Variants in DSCAM observed in about 807,000 individuals in gnomAD.
DSCAM encodes cell adhesion molecule DSCAM.
A neutral mutation model predicts 217.7 loss-of-function variants in DSCAM; 47 were observed. The ratio of observed to expected loss-of-function variants is 0.22; its 90% CI spans 0.17 to 0.28. The LOEUF is 0.28. Among genes scored for constraint, DSCAM ranks in the 10% least tolerant of loss-of-function variants. The pLI is 1.00. For synonymous variants in DSCAM, 1,056 were observed against 1,015.3 expected, an observed-to-expected ratio of 1.04 and a Z score of -0.76; for missense variants, 2,080 against 2,618.3, an observed-to-expected ratio of 0.79 and a Z score of 4.49.
intron 28 of DSCAM, among the ~76,000 whole-genome samples, chr21:40,058,722 T>C (rs915817655): frequency 2.0e-5 from 3 of 152,212 alleles, no homozygotes; most frequent in Non-Finnish European, 2.9e-5. Flanking sequence ...TATTGTTACA[T>C]TTATATTTAT....
rs1268381471 is a variant in DSCAM, at chr21:40,621,642, A to G, written c.508+71168T>C. 2.0e-4 allele frequency among the ~76,000 whole-genome samples: 30 copies of G among 151,854 alleles called. 1 individual carries two copies. The highest frequency in any genetic ancestry group is 2.0e-3 in the Admixed American group (30 of 15,236). Reference sequence around the variant, plus strand: ...CAAAGTCATATAGTGCTTTCAGGACATGGTTCCACCAGACCCAGGTGTCCC... The same window carrying G: ...CAAAGTCATATAGTGCTTTCAGGACGTGGTTCCACCAGACCCAGGTGTCCC... On this transcript the variant is annotated intron_variant, in intron 3 of 32. Coordinates refer to ENST00000400454, the MANE Select transcript of DSCAM (RefSeq NM_001389.5).
intron 3 of DSCAM, among the ~76,000 whole-genome samples, chr21:40,563,676 TTATA>T (rs58283731): frequency 7.9e-6 from 1 of 126,420 alleles, no homozygotes; most frequent in African/African-American, 3.2e-5. Context: ...ATATATATGT[TTATA>T]TGTTTATATA....
chr21:40,556,908 T>A (rs2076676914), intron 3 of DSCAM, among the ~76,000 whole-genome samples: 1 of 152,076 alleles, frequency 6.6e-6, no homozygotes, highest in Admixed American at 6.5e-5. Context: ...AAGTTCTCCA[T>A]CCTCATCATC....
At chr21:40,066,386 C>T (rs558556229) in intron 27 of DSCAM, among the ~76,000 whole-genome samples, 1 of 152,354 alleles carries the variant, frequency 6.6e-6, no homozygotes, top group East Asian at 1.9e-4. Context: ...CTTGCTTGGC[C>T]TCAGCTTTCT....
intron 5 of DSCAM, 134 bp downstream of exon 5, chr21:40,353,331 A>G: frequency 8.5e-7 from 1 of 1,171,254 alleles, no homozygotes; most frequent in Non-Finnish European, 1.2e-6. Context: ...CTGTAAAATG[A>G]GGTTTCTGTT....
intron 3 of DSCAM, among the ~76,000 whole-genome samples, chr21:40,620,949 AG>A (rs1399003583): frequency 2.8e-4 from 43 of 152,224 alleles, no homozygotes; most frequent in African/African-American, 1.0e-3. Context: ...GATGGATCTC[AG>A]ATGCATTATA....
In DSCAM at chr21:40,013,012, C is replaced by T. The variant is rs767418037; in HGVS notation, c.*22G>A. 3.6e-6 allele frequency: 5 copies of T among 1,385,276 alleles called. No individual in the cohort carries two copies. The highest frequency in any genetic ancestry group is 4.1e-5 in the South Asian group (2 of 48,860). 85.8% of individuals were successfully genotyped at this position (1,385,276 alleles called of 1,614,324 possible). A position where few individuals can be genotyped will look rare whatever the true frequency, so the allele number is the denominator to read the frequency against. ...GAATTGTTTGAATTGTATTTACAAC[C>T]GCTGTCCAGTCATGCTGTCTGTTAT... On this transcript the variant is annotated 3_prime_UTR_variant, in exon 33 of 33. Coordinates refer to ENST00000400454, the MANE Select transcript of DSCAM (RefSeq NM_001389.5).
intron 29 of DSCAM, among the ~76,000 whole-genome samples, chr21:40,053,806 GC>G (rs145931360): frequency 0.023 from 3,458 of 152,242 alleles, 141 homozygotes; most frequent in African/African-American, 0.08. Flanking sequence ...CTGGTGTTAA[GC>G]CCCCCAGTGA....
chr21:40,599,976 C>T (rs767134757), intron 3 of DSCAM, among the ~76,000 whole-genome samples: 3 of 152,100 alleles, frequency 2.0e-5, no homozygotes, highest in African/African-American at 7.2e-5. Flanking sequence ...AGCCTACCAA[C>T]CAAAAAAAGC....
intron 3 of DSCAM, among the ~76,000 whole-genome samples, chr21:40,395,560 T>G (rs2075171232): frequency 1.3e-5 from 2 of 151,966 alleles, no homozygotes; most frequent in Admixed American, 1.3e-4. Context: ...ATAGTTGCCT[T>G]CGCAAGGAAT....
chr21:40,601,675 G>T (rs1405196282), intron 3 of DSCAM, among the ~76,000 whole-genome samples: 1 of 152,136 alleles, frequency 6.6e-6, no homozygotes, highest in Admixed American at 6.5e-5. Context: ...CCAAGATGAG[G>T]AAGTTCCCCT....
At chr21:40,797,778 T>G (rs1000054689) in intron 1 of DSCAM, among the ~76,000 whole-genome samples, 43 of 152,218 alleles carry the variant, frequency 2.8e-4, no homozygotes, top group African/African-American at 1.0e-3. Flanking sequence ...ATTCAGCTTC[T>G]TTTTTCTCTA....
chr21:40,423,802 T>C (rs905555769), intron 3 of DSCAM, among the ~76,000 whole-genome samples: 1 of 152,020 alleles, frequency 6.6e-6, no homozygotes, highest in Non-Finnish European at 1.5e-5. Context: ...ATCAGTGATG[T>C]AACAAAATTA....
chr21:40,286,637 AT>A, intron 10 of DSCAM, among the ~76,000 whole-genome samples: 1 of 143,874 alleles, frequency 7.0e-6, no homozygotes, highest in Non-Finnish European at 1.5e-5. Context: ...TTCCAGACTT[AT>A]CTTTTGAATG....
At chr21:40,155,266 GCCTCTGGGAATAC>G (rs1311989885) in intron 16 of DSCAM, among the ~76,000 whole-genome samples, 8 of 152,174 alleles carry the variant, frequency 5.3e-5, no homozygotes, top group Non-Finnish European at 1.5e-5. Context: ...CTGAGGGCTG[GCCTCTGGGAATAC>G]CCCCACCTAG....
intron 1 of DSCAM, among the ~76,000 whole-genome samples, chr21:40,781,924 G>A (rs1052694593): frequency 6.4e-5 from 9 of 140,218 alleles, no homozygotes; most frequent in African/African-American, 2.4e-4. Context: ...CGAGGTGGGC[G>A]GATCACGAGG....
intron 16 of DSCAM, among the ~76,000 whole-genome samples, chr21:40,165,028 T>C (rs2090579176): frequency 6.6e-6 from 1 of 152,194 alleles, no homozygotes; most frequent in Non-Finnish European, 1.5e-5. Flanking sequence ...TCCTTTACCC[T>C]GTGTCTCTGT....
chr21:40,637,864 C>A (rs1001302022), intron 3 of DSCAM, among the ~76,000 whole-genome samples: 1 of 150,748 alleles, frequency 6.6e-6, no homozygotes, highest in Non-Finnish European at 1.5e-5. Flanking sequence ...CAAAAAACCC[C>A]GTAGAGATGG....
chr21:40,587,854 T>C (rs976312835), intron 3 of DSCAM, among the ~76,000 whole-genome samples: 1 of 152,130 alleles, frequency 6.6e-6, no homozygotes, highest in Non-Finnish European at 1.5e-5. Context: ...TCTCAGTGGA[T>C]TTGGCAAGAT....
Sources: allele counts gnomAD v4.1 joint callset (sites outside exome capture counted in the v4.1 genomes callset), GRCh38; gene constraint gnomAD v4.1.1; transcripts MANE v1.5; gene names NCBI Gene and HGNC (gene_info 2026-07-23, HGNC 2026-07-21).